Variants in PIWIL4 observed in about 807,000 individuals in gnomAD.
PIWIL4 encodes the protein piwi-like protein 4.
Under a neutral mutation model 100.9 loss-of-function variants are expected in PIWIL4, and 50 were observed. That is an observed-to-expected ratio of 0.50 (90% CI 0.39 to 0.63). The LOEUF is 0.63. PIWIL4 is among the 20% of genes least tolerant of loss of function. The probability of loss-of-function intolerance (pLI) is 0.00; values close to 1 mark genes in which losing one functional copy is unlikely to be tolerated. For missense variants in PIWIL4, 887 were observed against 1,043.3 expected (o/e 0.85, Z 2.06); for synonymous variants, 342 against 367.5 (o/e 0.93, Z 0.79).
intron 10 of PIWIL4, among the ~76,000 whole-genome samples, chr11:94,596,031 G>T (rs549832891): frequency 2.0e-5 from 3 of 152,146 alleles, no homozygotes; most frequent in South Asian, 4.1e-4. Flanking sequence ...TGGCTGCTGC[G>T]CACTTGAAAT....
At chr11:94,594,356 C>T (rs977499582) in intron 9 of PIWIL4, among the ~76,000 whole-genome samples, 2 of 151,482 alleles carry the variant, frequency 1.3e-5, no homozygotes, top group Admixed American at 1.3e-4. Flanking sequence ...ACCCCAGCTA[C>T]TCAGGAGGCT....
intron 6 of PIWIL4, 90 bp downstream of exon 6, chr11:94,585,615 G>A: frequency 1.1e-6 from 1 of 896,964 alleles, no homozygotes; most frequent in Non-Finnish European, 1.7e-6. Flanking sequence ...TATGCCTCCT[G>A]TGAGAGACTC....
intron 9 of PIWIL4, among the ~76,000 whole-genome samples, chr11:94,594,504 G>GAT (rs1003863213): frequency 1.6e-4 from 24 of 151,658 alleles, no homozygotes; most frequent in African/African-American, 5.8e-4. Flanking sequence ...AATTAATGAG[G>GAT]ATATAATCCT....
intron 16 of PIWIL4, 67 bp from the exon 17 acceptor site, chr11:94,617,887 A>G (rs1565285496): frequency 1.3e-5 from 20 of 1,533,086 alleles, no homozygotes; most frequent in Non-Finnish European, 1.8e-5. Context: ...ACTGCAATAT[A>G]TGGGAATGTT....
chr11:94,582,150 G>A (rs777462296), intron 4 of PIWIL4, among the ~76,000 whole-genome samples: 2 of 152,100 alleles, frequency 1.3e-5, no homozygotes, highest in African/African-American at 4.8e-5. Flanking sequence ...GCTCTTAGGT[G>A]GTTGTTGAAA....
intron 12 of PIWIL4, among the ~76,000 whole-genome samples, chr11:94,603,188 A>G (rs1339214106): frequency 2.0e-5 from 3 of 151,686 alleles, no homozygotes; most frequent in African/African-American, 7.3e-5. Flanking sequence ...AGTCAGGACC[A>G]TCTAGTTGCT....
chr11:94,584,504 T>C (rs1309159915), intron 5 of PIWIL4, among the ~76,000 whole-genome samples: 1 of 152,244 alleles, frequency 6.6e-6, no homozygotes, highest in African/African-American at 2.4e-5. Flanking sequence ...ATTTGGAAGA[T>C]GCTTTCAGTG....
At chr11:94,589,971 C>T (rs12278280) in intron 8 of PIWIL4, among the ~76,000 whole-genome samples, 18,312 of 152,200 alleles carry the variant, frequency 0.12, 3,576 homozygotes, top group African/African-American at 0.41. Flanking sequence ...GAAGCTCTAG[C>T]CGCATTTGCA....
Position 94,597,823 on chromosome 11 carries a change from G to A in PIWIL4, c.1288G>A (p.Glu430Lys). Residue 430 changes from glutamate (E) to lysine (K), a missense_variant, in exon 11 of 20, where the codon GAA (glutamate) becomes AAA (lysine). Physicochemically the swap from Glu to Lys is moderately conservative, Grantham distance 56 (BLOSUM62 1). Coordinates refer to ENST00000299001, the MANE Select transcript of PIWIL4 (RefSeq NM_152431.3). ...NIQRNTNARFELETWGLHFGS... is the reference protein window; with the variant it reads ...NIQRNTNARFKLETWGLHFGS... ...CAACAGGAATACCAATGCTCGCTTT[G>A]AACTAGAGACCTGGGGACTGCATTT... The A allele has an allele frequency of 6.2e-7, 1 of 1,613,630 alleles. No homozygotes were observed. Among genetic ancestry groups the A allele is most frequent in the African/African-American group, 1.3e-5 (1 of 75,028 alleles).
At position 94,598,474 on chromosome 11, in the gene PIWIL4, C is replaced by T. The variant is rs573867621; in HGVS notation, c.1380+559C>T. On this transcript the variant is annotated intron_variant, in intron 11 of 19. Transcript: ENST00000299001. ...TCTGAAACCTGAAGAGACAAATCAT[C>T]GCCACTTCCAGACTTCGGCTGAAGA... Among the ~76,000 whole-genome samples the T allele has an allele frequency of 6.8e-4, 103 of 152,248 alleles. No homozygotes were observed. The South Asian group carries it at 0.013, about 19-fold the overall frequency.
At chr11:94,600,144 G>T (rs1367131889) in intron 11 of PIWIL4, among the ~76,000 whole-genome samples, 1 of 152,122 alleles carries the variant, frequency 6.6e-6, no homozygotes, top group Non-Finnish European at 1.5e-5. Context: ...CCTCTTCAGC[G>T]CAGGAAACCT....
In PIWIL4 at chr11:94,588,018, AGT is replaced by A. The variant is rs1249246981; in HGVS notation, c.914+775_914+776del. On this transcript the variant is annotated intron_variant, in intron 7 of 19. Coordinates refer to ENST00000299001, the MANE Select transcript of PIWIL4 (RefSeq NM_152431.3). ...TGTGCAGGTTTGTTAAGTAGGTAAA[AGT>A]GTGCCATGGTGGTTTGCTGCAGCTA... Among the ~76,000 whole-genome samples the A allele has an allele frequency of 5.3e-5, 8 of 152,258 alleles. No individual in the cohort carries two copies. In the South Asian group the frequency reaches 1.2e-3, roughly 24 times the overall value.
At chr11:94,609,421 C>T (rs1411330681) in intron 15 of PIWIL4, among the ~76,000 whole-genome samples, 4 of 152,016 alleles carry the variant, frequency 2.6e-5, no homozygotes, top group African/African-American at 9.7e-5. Context: ...CCTATAGCAG[C>T]CCTTTGCAAA....
chr11:94,595,527 T>C (rs1053354860), intron 10 of PIWIL4, 101 bp downstream of exon 10: 209 of 957,876 alleles, frequency 2.2e-4, no homozygotes, highest in Non-Finnish European at 4.6e-5. Flanking sequence ...GTCATTCATA[T>C]TGATTCAGAG....
intron 10 of PIWIL4, among the ~76,000 whole-genome samples, chr11:94,595,782 A>G (rs201344817): frequency 6.6e-6 from 1 of 152,246 alleles, no homozygotes; most frequent in Non-Finnish European, 1.5e-5. Context: ...GGCCCCCAGT[A>G]TTAAGGGTCA....
chr11:94,617,946 T>C lies in PIWIL4; in HGVS notation c.2015-8T>C. 1 of 1,613,500 alleles carries C rather than the reference T, an allele frequency of 6.2e-7. No homozygotes were observed. Among genetic ancestry groups the C allele is most frequent in the Non-Finnish European group, 8.5e-7 (1 of 1,179,476 alleles). On this transcript the variant is annotated splice_region_variant and splice_polypyrimidine_tract_variant and intron_variant, in intron 16 of 19. Coordinates refer to ENST00000299001, the MANE Select transcript of PIWIL4 (RefSeq NM_152431.3). Reference sequence around the variant, plus strand: ...TAATTCTTTTCTTACTGACACCAAATTCTGCAGGAGCACTCAACAAATGGT... The same window carrying C: ...TAATTCTTTTCTTACTGACACCAAACTCTGCAGGAGCACTCAACAAATGGT...
chr11:94,611,565 TC>T (rs1948787422), intron 15 of PIWIL4, among the ~76,000 whole-genome samples: 1 of 152,174 alleles, frequency 6.6e-6, no homozygotes, highest in Non-Finnish European at 1.5e-5. Context: ...ATATAGTTTG[TC>T]CCCTCCAAAA....
chr11:94,567,642 TC>T, intron 1 of PIWIL4, 37 bp downstream of exon 1: 1 of 1,544,970 alleles, frequency 6.5e-7, no homozygotes, highest in Middle Eastern at 1.7e-4. Context: ...TTTCGTTTTC[TC>T]CTACCTCTGT....
chr11:94,585,554 C>T (rs371930803), intron 6 of PIWIL4, 29 bp downstream of exon 6: 86 of 1,496,662 alleles, frequency 5.7e-5, no homozygotes, highest in Admixed American at 2.7e-4. Flanking sequence ...TCTGTTACTC[C>T]GAAATTATTA....
Sources: allele counts gnomAD v4.1 joint callset (sites outside exome capture counted in the v4.1 genomes callset), GRCh38; gene constraint gnomAD v4.1.1; transcripts MANE v1.5; gene names NCBI Gene and HGNC (gene_info 2026-07-23, HGNC 2026-07-21).